The following PRLR variants were observed in gnomAD, a reference collection of about 807,000 sequenced individuals.
PRLR encodes prolactin receptor.
In PRLR, 13 loss-of-function variants were observed where a neutral mutation model predicts 40.2. That is an observed-to-expected ratio of 0.32 (90% CI 0.21 to 0.51). The LOEUF is 0.51. PRLR is among the 20% of genes least tolerant of loss of function. The pLI, the probability that PRLR is intolerant of heterozygous loss-of-function variation, is 0.97. For synonymous variants in PRLR, 269 were observed against 278.7 expected, an observed-to-expected ratio of 0.97 and a Z score of 0.35; for missense variants, 656 against 747.3, an observed-to-expected ratio of 0.88 and a Z score of 1.42.
chr5:35,145,262 G>C (rs533137755), intron 1 of PRLR, among the ~76,000 whole-genome samples: 213 of 151,992 alleles, frequency 1.4e-3, no homozygotes, highest in African/African-American at 4.9e-3. Flanking sequence ...GTTGTCCTGT[G>C]GGTGATTTAA....
chr5:35,118,219 C>A (rs1773140821), intron 1 of PRLR, 97 bp from the exon 2 acceptor site: 1 of 519,284 alleles, frequency 1.9e-6, no homozygotes, highest in South Asian at 8.4e-5. Flanking sequence ...TGAACATTGG[C>A]CCCTCAGTGA....
At chr5:35,093,725 T>A (rs1184206444) in intron 2 of PRLR, among the ~76,000 whole-genome samples, 1 of 152,232 alleles carries the variant, frequency 6.6e-6, no homozygotes, top group Non-Finnish European at 1.5e-5. Context: ...GTAAGTACAG[T>A]CATGTGCCAC....
intron 1 of PRLR, among the ~76,000 whole-genome samples, chr5:35,159,595 C>T (rs1379291074): frequency 6.6e-6 from 1 of 152,150 alleles, no homozygotes; most frequent in Non-Finnish European, 1.5e-5. Context: ...AGCAGTGGGC[C>T]ACCAGAGCTC....
At chr5:35,111,523 A>G (rs894751627) in intron 2 of PRLR, among the ~76,000 whole-genome samples, 4 of 152,344 alleles carry the variant, frequency 2.6e-5, no homozygotes, top group Admixed American at 6.5e-5. Context: ...AAATGAACAG[A>G]AACAAAAACA....
chr5:35,221,727 G>A (rs1016555398), intron 1 of PRLR, among the ~76,000 whole-genome samples: 9 of 152,148 alleles, frequency 5.9e-5, no homozygotes, highest in African/African-American at 1.4e-4. Context: ...TGATTCTCAC[G>A]TGCAATCAGT....
intron 1 of PRLR, among the ~76,000 whole-genome samples, chr5:35,193,765 A>G (rs1399242117): frequency 6.6e-6 from 1 of 152,010 alleles, no homozygotes; most frequent in East Asian, 1.9e-4. Context: ...TCTCACAGCT[A>G]TTTCTTAGCA....
chr5:35,229,592 C>G (rs1776642988), intron 1 of PRLR, among the ~76,000 whole-genome samples: 1 of 152,164 alleles, frequency 6.6e-6, no homozygotes, highest in Non-Finnish European at 1.5e-5. Flanking sequence ...GCGGGCTCTC[C>G]TTCCAGCTTC....
chr5:35,148,741 G>A lies in PRLR; in HGVS notation c.-105-30619C>T, dbSNP rs192075731. ...AGGATCTTTGAAGCCATTTATAATA[G>A]TTCAAATCTTAATTTTAGGAGACTT... is the stretch of plus-strand genomic sequence containing the variant. On this transcript the variant is annotated intron_variant, in intron 1 of 9. Transcript: ENST00000618457. Among the ~76,000 whole-genome samples the A allele has an allele frequency of 1.5e-3, 229 of 152,134 alleles. 1 individual carries two copies. Among genetic ancestry groups the A allele is most frequent in the Non-Finnish European group, 2.7e-3 (185 of 67,972 alleles).
intron 1 of PRLR, among the ~76,000 whole-genome samples, chr5:35,153,735 C>CAG (rs1774405461): frequency 6.6e-6 from 1 of 151,238 alleles, no homozygotes; most frequent in Non-Finnish European, 1.5e-5. Flanking sequence ...CACACACACA[C>CAG]ACACTGCACA....
At chr5:35,099,311 G>T (rs984242356) in intron 2 of PRLR, among the ~76,000 whole-genome samples, 1 of 152,174 alleles carries the variant, frequency 6.6e-6, no homozygotes, top group East Asian at 1.9e-4. Context: ...GGGCTGAAAA[G>T]TTCCTATTGC....
At chr5:35,094,850 C>T (rs1424159559) in intron 2 of PRLR, among the ~76,000 whole-genome samples, 5 of 115,862 alleles carry the variant, frequency 4.3e-5, no homozygotes, top group Non-Finnish European at 6.9e-5. Context: ...TTTTTTGAGA[C>T]GGGGTCTTGT....
intron 1 of PRLR, among the ~76,000 whole-genome samples, chr5:35,185,466 T>C (rs997317691): frequency 1.3e-5 from 2 of 151,524 alleles, no homozygotes; most frequent in Non-Finnish European, 2.9e-5. Flanking sequence ...TCCCTGAGGT[T>C]CTAGGCTTGG....
rs137966824 is a variant in PRLR at position 35,179,671 on chromosome 5, G to A, written c.-106+50597C>T. Among the ~76,000 whole-genome samples the A allele has an allele frequency of 3.5e-3, 527 of 152,296 alleles. 3 individuals are homozygous for A. Among genetic ancestry groups the A allele is most frequent in the African/African-American group, 0.012 (501 of 41,556 alleles). On this transcript the variant is annotated intron_variant, in intron 1 of 9. Transcript: ENST00000618457. Reference sequence around the variant, plus strand: ...ATTTAATTGCTTTTATGAAGGTATTGATATAGTTTGGATGTGTGTCCCCAC... The same window carrying A: ...ATTTAATTGCTTTTATGAAGGTATTAATATAGTTTGGATGTGTGTCCCCAC...
intron 1 of PRLR, among the ~76,000 whole-genome samples, chr5:35,228,487 A>T (rs1340981104): frequency 6.6e-6 from 1 of 152,204 alleles, no homozygotes; most frequent in African/African-American, 2.4e-5. Flanking sequence ...CTGCCTACTC[A>T]TACTATGCCT....
chr5:35,119,384 T>TCACACACACACA (rs567644859), intron 1 of PRLR, among the ~76,000 whole-genome samples: 12 of 143,188 alleles, frequency 8.4e-5, no homozygotes, highest in African/African-American at 3.5e-4. Context: ...TCTCTCTCTC[T>TCACACACACACA]CTCACACACA....
intron 1 of PRLR, among the ~76,000 whole-genome samples, chr5:35,135,101 T>TTG (rs71600972): frequency 3.3e-5 from 5 of 149,820 alleles, no homozygotes; most frequent in South Asian, 2.1e-4. Context: ...TTTTTTTTTT[T>TTG]TCTTAGAGAG....
At chr5:35,170,321 C>T (rs1413919809) in intron 1 of PRLR, among the ~76,000 whole-genome samples, 5 of 152,160 alleles carry the variant, frequency 3.3e-5, no homozygotes, top group Non-Finnish European at 7.3e-5. Flanking sequence ...AAGGGGGCCA[C>T]TATGAAGTCT....
rs937381186 is a variant in PRLR, at chr5:35,226,028, G to A, written c.-106+4240C>T. On this transcript the variant is annotated intron_variant, in intron 1 of 9. Coordinates refer to ENST00000618457, the MANE Select transcript of PRLR (RefSeq NM_000949.7). Reference sequence around the variant, plus strand: ...GGAATACTAGGTCTTAAAAATCTGGGGTGCGTTGTACATTTACAGTACATC... The same window carrying A: ...GGAATACTAGGTCTTAAAAATCTGGAGTGCGTTGTACATTTACAGTACATC... 5.9e-5 allele frequency among the ~76,000 whole-genome samples: 9 copies of A among 152,206 alleles called. No individual in the cohort carries two copies. In the South Asian group the frequency reaches 1.7e-3, roughly 28 times the overall value.
chr5:35,138,883 T>C (rs1326885205), intron 1 of PRLR, among the ~76,000 whole-genome samples: 1 of 152,202 alleles, frequency 6.6e-6, no homozygotes, highest in African/African-American at 2.4e-5. Flanking sequence ...AATCATGATA[T>C]GCCCAAAATT....
Sources: gnomAD v4.1 joint callset for allele counts (sites outside exome capture counted in the v4.1 genomes callset) on GRCh38, gnomAD v4.1.1 for gene constraint, MANE v1.5 for transcripts, NCBI Gene and HGNC (gene_info 2026-07-23, HGNC 2026-07-21) for gene names.